EMSY: variants seen among roughly 807,000 people sequenced by gnomAD.
EMSY encodes BRCA2-interacting transcriptional repressor EMSY.
EMSY carries 26 observed loss-of-function variants against 134.6 expected under a neutral mutation model. That is an observed-to-expected ratio of 0.19 (90% CI 0.14 to 0.27). EMSY has a LOEUF of 0.27. EMSY is among the 10% of genes least tolerant of loss of function. EMSY has a pLI of 1.00. For synonymous variants in EMSY, 579 were observed against 577.8 expected (o/e 1.00, Z -0.03); for missense variants, 1,305 against 1,611.4 (o/e 0.81, Z 3.26).
chr11:76,468,650 TTAAGTA>T (rs1165829248), intron 7 of EMSY, among the ~76,000 whole-genome samples: 1 of 152,232 alleles, frequency 6.6e-6, no homozygotes. Context: ...GATTTTTATA[TTAAGTA>T]TAATTATTTA....
chr11:76,503,594 C>T (rs973081212), intron 9 of EMSY, among the ~76,000 whole-genome samples: 6 of 151,870 alleles, frequency 4.0e-5, no homozygotes, highest in Non-Finnish European at 7.4e-5. Flanking sequence ...TACATCACAC[C>T]GTATACAAAA....
At chr11:76,457,112 A>G (rs906502087) in intron 4 of EMSY, among the ~76,000 whole-genome samples, 1 of 152,078 alleles carries the variant, frequency 6.6e-6, no homozygotes, top group Non-Finnish European at 1.5e-5. Context: ...AATCCTTGAC[A>G]TAAGTGCTTA....
chr11:76,536,983 G>T (rs1195461491), intron 15 of EMSY, among the ~76,000 whole-genome samples: 1 of 152,148 alleles, frequency 6.6e-6, no homozygotes, highest in Non-Finnish European at 1.5e-5. Flanking sequence ...ACTGGTTACC[G>T]TTTATTGTAA....
chr11:76,488,219 A>G (rs1198931141), intron 8 of EMSY, among the ~76,000 whole-genome samples: 1 of 152,240 alleles, frequency 6.6e-6, no homozygotes, highest in Non-Finnish European at 1.5e-5. Flanking sequence ...TAATCCCAAC[A>G]CTTTGGGAGG....
At chr11:76,508,743 T>A (rs1419592779) in intron 9 of EMSY, among the ~76,000 whole-genome samples, 1 of 152,246 alleles carries the variant, frequency 6.6e-6, no homozygotes, top group Non-Finnish European at 1.5e-5. Flanking sequence ...CTACAGCTTC[T>A]CCGTCAGCAC....
At chr11:76,485,309 G>A (rs1000915738) in intron 8 of EMSY, among the ~76,000 whole-genome samples, 1 of 152,066 alleles carries the variant, frequency 6.6e-6, no homozygotes, top group Non-Finnish European at 1.5e-5. Flanking sequence ...AAAATCCTGG[G>A]AAACTGAATC....
intron 8 of EMSY, among the ~76,000 whole-genome samples, chr11:76,492,003 G>T (rs1437012910): frequency 6.6e-6 from 1 of 152,212 alleles, no homozygotes; most frequent in Non-Finnish European, 1.5e-5. Flanking sequence ...TCATTTGATT[G>T]TCTTCTCTGA....
rs1951220933 is a variant in EMSY, at chr11:76,536,252, T to TTAA, written c.2359+193_2359+194insTAA. 2.0e-5 allele frequency among the ~76,000 whole-genome samples: 3 copies of TTAA among 152,270 alleles called. No individual in the cohort carries two copies. The South Asian group carries it at 6.2e-4, about 32-fold the overall frequency. Reference sequence around the variant, plus strand: ...TGGTTTACTTGTTAGTTCAGTAAGATGTGCACAGGAATATTGAAGTACAGA... The same window carrying TTAA: ...TGGTTTACTTGTTAGTTCAGTAAGATTAAGTGCACAGGAATATTGAAGTACAGA... On this transcript the variant is annotated intron_variant, in intron 15 of 20. Transcript: ENST00000334736.
At chr11:76,523,914 G>T (rs775484592) in intron 12 of EMSY, among the ~76,000 whole-genome samples, 2 of 151,944 alleles carry the variant, frequency 1.3e-5, no homozygotes, top group East Asian at 1.9e-4. Flanking sequence ...ACCAGATGTA[G>T]TAGCATGCAC....
chr11:76,550,536 G>T (rs2136935383), exon 21 of EMSY: 1 of 157,108 alleles, frequency 6.4e-6, no homozygotes, highest in African/African-American at 2.4e-5. Flanking sequence ...GTTGTATTTT[G>T]AAATGATGTG....
chr11:76,543,830 T>C (rs1951536872), intron 18 of EMSY, among the ~76,000 whole-genome samples: 4 of 151,940 alleles, frequency 2.6e-5, no homozygotes, highest in Admixed American at 2.0e-4. Context: ...CAGATAGCAC[T>C]GGACCTACAC....
intron 18 of EMSY, among the ~76,000 whole-genome samples, chr11:76,544,049 A>G (rs1309607259): frequency 6.6e-6 from 1 of 152,184 alleles, no homozygotes; most frequent in Non-Finnish European, 1.5e-5. Context: ...GACTTTTCTT[A>G]TAGTAGTAAG....
intron 1 of EMSY, among the ~76,000 whole-genome samples, chr11:76,446,419 T>G (rs147134185): frequency 5.7e-4 from 86 of 151,864 alleles, no homozygotes; most frequent in Admixed American, 2.6e-3. Flanking sequence ...GAGGAGTTAT[T>G]TATTAAGTTT....
At chr11:76,515,072 GTT>G (rs200970007) in intron 10 of EMSY, among the ~76,000 whole-genome samples, 62 of 128,874 alleles carry the variant, frequency 4.8e-4, no homozygotes, top group African/African-American at 1.6e-3. Context: ...AGTTTTGTGG[GTT>G]TTTTTTTTTT....
At chr11:76,482,688 A>C (rs1949025940) in intron 8 of EMSY, among the ~76,000 whole-genome samples, 1 of 152,222 alleles carries the variant, frequency 6.6e-6, no homozygotes, top group Non-Finnish European at 1.5e-5. Flanking sequence ...AAGTGTGAAG[A>C]CAAGATTAGA....
intron 16 of EMSY, among the ~76,000 whole-genome samples, chr11:76,538,344 C>T (rs1951303564): frequency 6.6e-6 from 1 of 152,144 alleles, no homozygotes; most frequent in Non-Finnish European, 1.5e-5. Flanking sequence ...ACTGCAGCCT[C>T]AACTTCCTGG....
At chr11:76,457,687 T>C (rs1947931919) in intron 4 of EMSY, among the ~76,000 whole-genome samples, 1 of 152,214 alleles carries the variant, frequency 6.6e-6, no homozygotes. Flanking sequence ...ACTGCCTCAG[T>C]TTCCCTTGTT....
chr11:76,516,960 C>T (rs1050978935), intron 11 of EMSY: 3 of 152,086 alleles, frequency 2.0e-5, no homozygotes, highest in Non-Finnish European at 2.9e-5. Context: ...TTTATTGGCT[C>T]ATTAATCTCT....
At chr11:76,453,041 T>G (rs1022205616) in intron 3 of EMSY, among the ~76,000 whole-genome samples, 2 of 152,180 alleles carry the variant, frequency 1.3e-5, no homozygotes, top group Non-Finnish European at 2.9e-5. Context: ...ATTTCTGAGA[T>G]TTGGAAGTAA....
Sources: gnomAD v4.1 joint callset for allele counts (sites outside exome capture counted in the v4.1 genomes callset) on GRCh38, gnomAD v4.1.1 for gene constraint, MANE v1.5 for transcripts, NCBI Gene and HGNC (gene_info 2026-07-23, HGNC 2026-07-21) for gene names.